The following PPP1R12A variants were observed in gnomAD, a reference collection of about 807,000 sequenced individuals.
PPP1R12A encodes the protein protein phosphatase 1 regulatory subunit 12A.
PPP1R12A carries 19 observed loss-of-function variants against 139.6 expected under a neutral mutation model. That is an observed-to-expected ratio of 0.14 (90% CI 0.09 to 0.20). PPP1R12A has a LOEUF of 0.20. PPP1R12A is among the 10% of genes least tolerant of loss of function. The probability of loss-of-function intolerance (pLI) is 1.00; values close to 1 mark genes in which losing one functional copy is unlikely to be tolerated. For synonymous variants in PPP1R12A, 427 were observed against 420.6 expected, an observed-to-expected ratio of 1.02 and a Z score of -0.19; for missense variants, 925 against 1,211.5, an observed-to-expected ratio of 0.76 and a Z score of 3.51.
upstream of PPP1R12A, chr12:79,935,439 C>T (rs1888595001): frequency 1.0e-6 from 1 of 989,250 alleles, no homozygotes; most frequent in Non-Finnish European, 1.2e-6. Flanking sequence ...AACCGCAAGG[C>T]TCTACAGGGC....
intron 1 of PPP1R12A, among the ~76,000 whole-genome samples, chr12:79,897,332 G>C (rs768005216): frequency 6.6e-6 from 1 of 152,148 alleles, no homozygotes; most frequent in African/African-American, 2.4e-5. Flanking sequence ...ACTTATAAGT[G>C]TGAGCTAAAT....
chr12:79,915,991 T>A (rs973671515), intron 1 of PPP1R12A, among the ~76,000 whole-genome samples: 1 of 133,534 alleles, frequency 7.5e-6, no homozygotes, highest in African/African-American at 3.3e-5. Context: ...TTCTAAACCT[T>A]GACCAAAAAG....
intron 1 of PPP1R12A, among the ~76,000 whole-genome samples, chr12:79,910,037 A>G (rs1886439623): frequency 6.6e-6 from 1 of 152,126 alleles, no homozygotes; most frequent in African/African-American, 2.4e-5. Flanking sequence ...GGGAGGAATC[A>G]TTTTGTAAAC....
intron 1 of PPP1R12A, among the ~76,000 whole-genome samples, chr12:79,916,798 C>T (rs1481966517): frequency 6.6e-6 from 1 of 152,122 alleles, no homozygotes; most frequent in African/African-American, 2.4e-5. Context: ...AGTGGCCAAA[C>T]ACTAGCAAAC....
In PPP1R12A at chr12:79,916,578, A is replaced by G. The variant is rs112841178; in HGVS notation, c.237+18117T>C. Among the ~76,000 whole-genome samples, 1,488 of 152,266 alleles carry G rather than the reference A, an allele frequency of 9.8e-3. 32 individuals carry two copies. Among genetic ancestry groups the G allele is most frequent in the African/African-American group, 0.034 (1,433 of 41,554 alleles). ...AATGACTTGCCTTTTTGGTAATTATACTTAGCTTTTCTCTGAACTTTCTGT... is the reference window on the plus strand; with the variant it reads ...AATGACTTGCCTTTTTGGTAATTATGCTTAGCTTTTCTCTGAACTTTCTGT... On this transcript the variant is annotated intron_variant, in intron 1 of 24. Transcript: ENST00000450142.
Position 79,786,393 on chromosome 12 carries a change from T to C in PPP1R12A, c.2888A>G (p.Gln963Arg). Residue 963 changes from glutamine to arginine, a missense_variant, in exon 22 of 25, where the codon CAG (glutamine) becomes CGG (arginine). By Grantham distance (43) the Gln-to-Arg change is conservative. This residue lies in a region of PPP1R12A where 315 missense variants were observed against 363.4 expected (regional missense o/e 0.87). Coordinates refer to ENST00000450142, the MANE Select transcript of PPP1R12A (RefSeq NM_002480.3). ...ACAAACCTGGGTGGCCTTTTCCAAC[T>C]GTAATTTAAGATCTGTTAGTTCCAT... ...TNMELTDLKL[Q>R]LEKATQRQER... 9 of 1,554,846 alleles carry C rather than the reference T, an allele frequency of 5.8e-6. No homozygotes were observed. Among genetic ancestry groups the C allele is most frequent in the Non-Finnish European group, 7.8e-6 (9 of 1,148,620 alleles).
At chr12:79,910,381 G>A (rs1479043386) in intron 1 of PPP1R12A, among the ~76,000 whole-genome samples, 1 of 152,096 alleles carries the variant, frequency 6.6e-6, no homozygotes, top group Non-Finnish European at 1.5e-5. Flanking sequence ...TCGGGAGGCT[G>A]AGGCACAAGA....
intron 1 of PPP1R12A, among the ~76,000 whole-genome samples, chr12:79,899,249 T>A (rs1454955749): frequency 5.1e-3 from 6 of 1,186 alleles, no homozygotes; most frequent in African/African-American, 0.042. Flanking sequence ...TATATATATA[T>A]ATATATATAT....
intron 1 of PPP1R12A, among the ~76,000 whole-genome samples, chr12:79,922,120 T>G (rs1320153588): frequency 6.6e-6 from 1 of 152,018 alleles, no homozygotes; most frequent in African/African-American, 2.4e-5. Context: ...AGTCAGCCAG[T>G]TGTGGTGGGC....
intron 1 of PPP1R12A, among the ~76,000 whole-genome samples, chr12:79,912,398 T>G (rs1886645165): frequency 6.6e-6 from 1 of 152,170 alleles, no homozygotes; most frequent in African/African-American, 2.4e-5. Flanking sequence ...ATTTTTTAAA[T>G]TAATGAAACA....
chr12:79,781,363 T>C (rs1870430198), intron 23 of PPP1R12A, among the ~76,000 whole-genome samples: 1 of 152,088 alleles, frequency 6.6e-6, no homozygotes, highest in South Asian at 2.1e-4. Context: ...AATTATTAAA[T>C]TAACTTTAAA....
At chr12:79,928,156 A>C (rs1436054563) in intron 1 of PPP1R12A, among the ~76,000 whole-genome samples, 2 of 152,244 alleles carry the variant, frequency 1.3e-5, no homozygotes, top group African/African-American at 4.8e-5. Context: ...ATGGATGATG[A>C]AAAACACTTC....
chr12:79,935,460 C>T (rs945805252), upstream of PPP1R12A: 3 of 987,752 alleles, frequency 3.0e-6, no homozygotes, highest in Non-Finnish European at 3.6e-6. Flanking sequence ...AGATCTGCCT[C>T]CCGTGCTGTC....
chr12:79,864,742 G>A (rs113203975), intron 2 of PPP1R12A, among the ~76,000 whole-genome samples: 25 of 152,082 alleles, frequency 1.6e-4, no homozygotes, highest in African/African-American at 5.1e-4. Context: ...TAAATTCCTC[G>A]ACACATACAC....
At chr12:79,914,393 T>G (rs1360202154) in intron 1 of PPP1R12A, among the ~76,000 whole-genome samples, 1 of 152,052 alleles carries the variant, frequency 6.6e-6, no homozygotes, top group Non-Finnish European at 1.5e-5. Flanking sequence ...CTGATATTCA[T>G]ATTTACCCAG....
intron 9 of PPP1R12A, among the ~76,000 whole-genome samples, chr12:79,813,566 A>G (rs1486655255): frequency 6.6e-6 from 1 of 152,184 alleles, no homozygotes; most frequent in Non-Finnish European, 1.5e-5. Context: ...TTTACATTTT[A>G]TTGGAATGTA....
chr12:79,807,701 A>G (rs1454241983), intron 11 of PPP1R12A, among the ~76,000 whole-genome samples: 1 of 151,940 alleles, frequency 6.6e-6, no homozygotes, highest in Non-Finnish European at 1.5e-5. Flanking sequence ...ATCTTAGGGG[A>G]AAAAAATAAA....
chr12:79,801,542 G>A (rs7957959), intron 14 of PPP1R12A, among the ~76,000 whole-genome samples: 142,418 of 151,806 alleles, frequency 0.94, 67,104 homozygotes, highest in African/African-American at 0.99. Context: ...CGAGTATAGC[G>A]TATCTTCAAA....
intron 4 of PPP1R12A, among the ~76,000 whole-genome samples, chr12:79,831,711 A>G (rs1877454549): frequency 1.3e-5 from 2 of 152,190 alleles, no homozygotes; most frequent in African/African-American, 4.8e-5. Context: ...TGAATAATAC[A>G]CAGAATAATT....
Sources: allele counts gnomAD v4.1 joint callset (sites outside exome capture counted in the v4.1 genomes callset), GRCh38; gene constraint gnomAD v4.1.1; regional missense constraint gnomAD v4.1.1; transcripts MANE v1.5; gene names NCBI Gene and HGNC (gene_info 2026-07-23, HGNC 2026-07-21).